Variants in PKHD1L1 observed in about 807,000 individuals in gnomAD.
PKHD1L1 encodes fibrocystin-L.
PKHD1L1 carries 434 observed loss-of-function variants against 462.9 expected under a neutral mutation model. The observed-to-expected ratio is 0.94, with a 90% CI of 0.87 to 1.02. PKHD1L1 has a LOEUF of 1.02. Ranked by LOEUF, PKHD1L1 falls within the 50% of genes least tolerant of loss-of-function variation. The pLI is 0.00. For missense variants in PKHD1L1, 5,202 were observed against 5,096.1 expected (o/e 1.02, Z -0.63); for synonymous variants, 1,781 against 1,750.0 (o/e 1.02, Z -0.44).
intron 71 of PKHD1L1, among the ~76,000 whole-genome samples, chr8:109,512,725 C>A (rs1820059693): frequency 3.9e-5 from 6 of 152,054 alleles, no homozygotes. Context: ...TTTTCCAGTT[C>A]TGTGAAGAAA....
intron 48 of PKHD1L1, among the ~76,000 whole-genome samples, chr8:109,463,935 T>C (rs1817274886): frequency 6.6e-6 from 1 of 152,110 alleles, no homozygotes; most frequent in Non-Finnish European, 1.5e-5. Flanking sequence ...TTTTATTTCC[T>C]AAAACACAAA....
At chr8:109,443,638 G>T (rs748947126) in intron 36 of PKHD1L1, 38 bp from the exon 37 acceptor site, 2 of 1,450,938 alleles carry the variant, frequency 1.4e-6, no homozygotes, top group Admixed American at 4.3e-5. Flanking sequence ...ATTTTGGAAT[G>T]TTATTCATGA....
chr8:109,362,490 C>A lies in PKHD1L1; in HGVS notation c.-91C>A, dbSNP rs1811027928. 1.5e-6 allele frequency: 2 copies of A among 1,295,328 alleles called. No homozygotes were observed. The highest frequency in any genetic ancestry group is 2.2e-6 in the Non-Finnish European group (2 of 919,206). 80.2% of individuals were successfully genotyped at this position (1,295,328 alleles called of 1,614,324 possible). On this transcript the variant is annotated 5_prime_UTR_variant, in exon 1 of 78. Transcript: ENST00000378402. The stretch of plus-strand genomic sequence containing the variant: ...CCCAGCTCTCCCGGGACGAAGCGGG[C>A]CCGCCAGCGAGTCGCAGTCCCAGGA...
chr8:109,433,602 C>T (rs957274630), intron 28 of PKHD1L1, among the ~76,000 whole-genome samples: 3 of 152,150 alleles, frequency 2.0e-5, no homozygotes, highest in Non-Finnish European at 2.9e-5. Flanking sequence ...GGAAGAGGAC[C>T]TGGCCATCTC....
intron 55 of PKHD1L1, chr8:109,480,686 A>C (rs1173944718): frequency 2.3e-6 from 1 of 438,000 alleles, no homozygotes; most frequent in South Asian, 1.7e-5. Flanking sequence ...ATTGTTCATG[A>C]AAAAGAATTG....
chr8:109,500,273 T>C (rs535964779), intron 67 of PKHD1L1, among the ~76,000 whole-genome samples: 2 of 152,146 alleles, frequency 1.3e-5, no homozygotes, highest in East Asian at 3.9e-4. Context: ...TAAATGATAC[T>C]CATCATCTCT....
intron 50 of PKHD1L1, chr8:109,470,184 T>C: frequency 1.3e-6 from 1 of 774,854 alleles, no homozygotes; most frequent in Non-Finnish European, 2.1e-6. Flanking sequence ...GGGAAAAGTA[T>C]CTGGAGGATC....
chr8:109,397,190 T>C (rs930964952), intron 11 of PKHD1L1, among the ~76,000 whole-genome samples: 4 of 152,226 alleles, frequency 2.6e-5, no homozygotes, highest in African/African-American at 7.2e-5. Flanking sequence ...AGAGAACATA[T>C]TAGTTTTCTA....
chr8:109,480,171 T>A, intron 55 of PKHD1L1, 32 bp downstream of exon 55: 6 of 1,505,986 alleles, frequency 4.0e-6, no homozygotes, highest in Non-Finnish European at 5.3e-6. Context: ...TTTATATCTT[T>A]ATTAATCTAA....
chr8:109,515,659 A>G (rs1167166074), intron 72 of PKHD1L1, among the ~76,000 whole-genome samples: 2 of 152,260 alleles, frequency 1.3e-5, no homozygotes, highest in South Asian at 2.1e-4. Flanking sequence ...CTTTACTTCT[A>G]TTTCATAGAA....
chr8:109,391,607 C>T (rs1812715049), intron 9 of PKHD1L1, among the ~76,000 whole-genome samples: 1 of 151,996 alleles, frequency 6.6e-6, no homozygotes, highest in African/African-American at 2.4e-5. Context: ...TGACAGAAAC[C>T]CATATAAATT....
intron 50 of PKHD1L1, among the ~76,000 whole-genome samples, chr8:109,467,616 A>G (rs1817517313): frequency 6.6e-6 from 1 of 152,040 alleles, no homozygotes; most frequent in Non-Finnish European, 1.5e-5. Flanking sequence ...ACTGGCTCAG[A>G]TCTGTATCTC....
intron 52 of PKHD1L1, among the ~76,000 whole-genome samples, 152 bp from the exon 53 acceptor site, chr8:109,477,073 A>C (rs1308247997): frequency 1.3e-5 from 2 of 152,182 alleles, no homozygotes; most frequent in Non-Finnish European, 2.9e-5. Flanking sequence ...TATAATACAT[A>C]CATTATCAGA....
At chr8:109,469,756 T>G (rs1345338533) in intron 50 of PKHD1L1, among the ~76,000 whole-genome samples, 1 of 152,168 alleles carries the variant, frequency 6.6e-6, no homozygotes, top group Non-Finnish European at 1.5e-5. Context: ...AAACCTTTGC[T>G]TTTCTTCTGA....
intron 43 of PKHD1L1, among the ~76,000 whole-genome samples, chr8:109,453,373 T>G (rs1164058719): frequency 1.3e-5 from 2 of 152,218 alleles, no homozygotes; most frequent in East Asian, 3.9e-4. Flanking sequence ...TGAACCTGTT[T>G]ATGTTGTTGC....
intron 67 of PKHD1L1, among the ~76,000 whole-genome samples, chr8:109,503,769 C>A (rs1765166826): frequency 6.6e-6 from 1 of 152,180 alleles, no homozygotes; most frequent in South Asian, 2.1e-4. Context: ...TGTGGATTGT[C>A]AATTTGGGCT....
chr8:109,376,969 G>A (rs1811869472), intron 2 of PKHD1L1, among the ~76,000 whole-genome samples: 1 of 152,160 alleles, frequency 6.6e-6, no homozygotes, highest in Non-Finnish European at 1.5e-5. Context: ...CTGGAGGTGA[G>A]AGGCTTTGAT....
intron 50 of PKHD1L1, among the ~76,000 whole-genome samples, chr8:109,474,815 A>G (rs1817895352): frequency 6.6e-6 from 1 of 152,164 alleles, no homozygotes; most frequent in African/African-American, 2.4e-5. Context: ...TTTCAAGTGT[A>G]TCTTTCCCTA....
Position 109,452,105 on chromosome 8 carries a change from T to C in PKHD1L1, c.6351-19T>C. The stretch of plus-strand genomic sequence containing the variant: ...ATTTGAGAAAAACATACATGTTATG[T>C]TTTCCCTCTTTTTTACAGTGAAAAT... On this transcript the variant is annotated intron_variant, in intron 41 of 77. Coordinates refer to ENST00000378402, the MANE Select transcript of PKHD1L1 (RefSeq NM_177531.6). 1 of 1,602,046 alleles carries C rather than the reference T, an allele frequency of 6.2e-7. No individual in the cohort carries two copies. The highest frequency in any genetic ancestry group is 1.7e-5 in the Admixed American group (1 of 58,334).
Sources: allele counts gnomAD v4.1 joint callset (sites outside exome capture counted in the v4.1 genomes callset), GRCh38; gene constraint gnomAD v4.1.1; transcripts MANE v1.5; gene names NCBI Gene and HGNC (gene_info 2026-07-23, HGNC 2026-07-21).